The following CPT1A variants were observed in gnomAD, a reference collection of about 807,000 sequenced individuals.
CPT1A encodes the protein carnitine palmitoyltransferase 1A.
In CPT1A, 64 loss-of-function variants were observed where a neutral mutation model predicts 100.8. That is an observed-to-expected ratio of 0.63 (90% CI 0.52 to 0.78). The LOEUF (loss-of-function observed/expected upper bound fraction) is 0.78. Ranked by LOEUF, CPT1A falls within the 30% of genes least tolerant of loss-of-function variation. The pLI, the probability that CPT1A is intolerant of heterozygous loss-of-function variation, is 0.00. For synonymous variants in CPT1A, 363 were observed against 396.0 expected (o/e 0.92, Z 0.99); for missense variants, 802 against 1,034.1 (o/e 0.78, Z 3.08).
chr11:68,760,376 C>T, intron 16 of CPT1A, 38 bp from the exon 17 acceptor site: 3 of 1,510,476 alleles, frequency 2.0e-6, no homozygotes, highest in South Asian at 1.2e-5. Flanking sequence ...CTAATCCCCT[C>T]CTCTACCGTC....
chr11:68,840,944 C>G (rs184505911), intron 1 of CPT1A, among the ~76,000 whole-genome samples: 3 of 152,216 alleles, frequency 2.0e-5, no homozygotes, highest in Non-Finnish European at 4.4e-5. Flanking sequence ...CGCGCCCACC[C>G]GCCCTTGACC....
chr11:68,797,973 T>A (rs2154000092), intron 6 of CPT1A, among the ~76,000 whole-genome samples: 1 of 152,262 alleles, frequency 6.6e-6, no homozygotes, highest in African/African-American at 2.4e-5. Context: ...CGAGACTTTG[T>A]CTCAGAAACT....
chr11:68,808,433 G>A (rs1856108802), intron 3 of CPT1A, among the ~76,000 whole-genome samples: 1 of 150,776 alleles, frequency 6.6e-6, no homozygotes, highest in South Asian at 2.1e-4. Flanking sequence ...GTGCAATGGT[G>A]TGACCTTGGT....
At chr11:68,831,188 A>G (rs1856866907) in intron 1 of CPT1A, among the ~76,000 whole-genome samples, 1 of 152,130 alleles carries the variant, frequency 6.6e-6, no homozygotes, top group Admixed American at 6.5e-5. Context: ...TTTCGAAGTC[A>G]TTGGCCTATG....
At chr11:68,784,112 C>T (rs961961302) in intron 10 of CPT1A, among the ~76,000 whole-genome samples, 8 of 152,186 alleles carry the variant, frequency 5.3e-5, no homozygotes, top group African/African-American at 1.9e-4. Context: ...ACCCTCCTGC[C>T]TTGGTCTCCT....
At position 68,841,798 on chromosome 11, in the gene CPT1A, AGCGGCAGCGGCAGCG is replaced by A. The variant is rs1857165666; in HGVS notation, c.-52_-38del. On this transcript the variant is annotated 5_prime_UTR_variant, in exon 1 of 19. Coordinates refer to ENST00000265641, the MANE Select transcript of CPT1A (RefSeq NM_001876.4). This position sits in a 1 kb window ranked among gnomAD's most constrained non-coding sequence, Gnocchi z 6.3. Reference sequence around the variant, plus strand: ...ACCGAGTCAGCTACGGAGGTGCGGCAGCGGCAGCGGCAGCGGCGGCGGCGGCGGCGGCGGTGGAGT... The same window carrying A: ...ACCGAGTCAGCTACGGAGGTGCGGCAGCGGCGGCGGCGGCGGCGGTGGAGT... 1.0e-6 allele frequency: 1 copy of A among 993,232 alleles called. No individual in the cohort carries two copies. The highest frequency in any genetic ancestry group is 1.2e-6 in the Non-Finnish European group (1 of 836,528). 61.5% of individuals were successfully genotyped at this position (993,232 alleles called of 1,614,324 possible). A position where few individuals can be genotyped will look rare whatever the true frequency, so the allele number is the denominator to read the frequency against.
chr11:68,755,053 G>T lies in CPT1A; in HGVS notation c.*2591C>A. The T allele has an allele frequency of 1.8e-6, 1 of 566,698 alleles. No homozygotes were observed. The highest frequency in any genetic ancestry group is 3.1e-5 in the Admixed American group (1 of 32,770). The allele number at this position is 566,698 out of a possible 1,614,324, so 35.1% of individuals were successfully genotyped here. On this transcript the variant is annotated 3_prime_UTR_variant, in exon 19 of 19. Coordinates refer to ENST00000265641, the MANE Select transcript of CPT1A (RefSeq NM_001876.4). ...TGGTTTGTTCCAATTAAATTAAACA[G>T]ATAATACTCTTATCACCCCCCTTGG...
rs963311574 is a variant in CPT1A, at chr11:68,841,860, C to G, written c.-99G>C. 12 of 993,092 alleles carry G rather than the reference C, an allele frequency of 1.2e-5. No individual in the cohort carries two copies. Among genetic ancestry groups the G allele is most frequent in the African/African-American group, 1.7e-5 (1 of 57,148 alleles). 61.5% of individuals were successfully genotyped at this position (993,092 alleles called of 1,614,324 possible). A position where few individuals can be genotyped will look rare whatever the true frequency, so the allele number is the denominator to read the frequency against. ...GAGTGAACGAGCGGCGAGCGGGAGC[C>G]GGGGAAGGAGGGCCGCGGGCGAGGC... On this transcript the variant is annotated 5_prime_UTR_variant, in exon 1 of 19. Coordinates refer to ENST00000265641, the MANE Select transcript of CPT1A (RefSeq NM_001876.4). This position sits in a 1 kb window ranked among gnomAD's most constrained non-coding sequence, Gnocchi z 6.3.
rs971560466 is a variant in CPT1A, at chr11:68,841,265, C to G, written c.-14+510G>C. 1.3e-5 allele frequency among the ~76,000 whole-genome samples: 2 copies of G among 152,070 alleles called. No homozygotes were observed. Among genetic ancestry groups the G allele is most frequent in the Non-Finnish European group, 2.9e-5 (2 of 67,992 alleles). On this transcript the variant is annotated intron_variant, in intron 1 of 18. Transcript: ENST00000265641. The surrounding 1 kb of genome is among the most constrained non-coding windows in gnomAD (Gnocchi z 6.3). ...CTCTCCAGAGCCAGGGTGGGATGGG[C>G]AGGGACAGGAGCCGGAGGCCCTACT...
Position 68,776,989 on chromosome 11 carries a change from G to A in CPT1A, c.1459-1557C>T, listed in dbSNP as rs747272161. Among the ~76,000 whole-genome samples the A allele has an allele frequency of 3.3e-4, 50 of 152,348 alleles. 1 individual carries two copies. The highest frequency in any genetic ancestry group is 1.1e-3 in the African/African-American group (47 of 41,576). On this transcript the variant is annotated intron_variant, in intron 12 of 18. Transcript: ENST00000265641. ...AAGGTCGGGGTGACTGTCGGCTGGCGAGGCGGCGGGGCGGGTGGAAGGTGC... is the reference window on the plus strand; with the variant it reads ...AAGGTCGGGGTGACTGTCGGCTGGCAAGGCGGCGGGGCGGGTGGAAGGTGC...
chr11:68,761,130 G>A (rs918783205), intron 16 of CPT1A, among the ~76,000 whole-genome samples: 1 of 151,598 alleles, frequency 6.6e-6, no homozygotes, highest in Non-Finnish European at 1.5e-5. Flanking sequence ...AATTGCTTGT[G>A]TCTAGGAGTT....
intron 14 of CPT1A, 111 bp downstream of exon 14, chr11:68,773,154 C>T: frequency 6.4e-7 from 1 of 1,556,938 alleles, no homozygotes; most frequent in Non-Finnish European, 8.7e-7. Flanking sequence ...GGGAGCTGTG[C>T]TTCTCCTATG....
chr11:68,768,742 C>T (rs1038192586), intron 14 of CPT1A, among the ~76,000 whole-genome samples: 1 of 152,148 alleles, frequency 6.6e-6, no homozygotes, highest in Non-Finnish European at 1.5e-5. Flanking sequence ...CTTGCTCACA[C>T]GTGTTTTTTG....
intron 14 of CPT1A, 104 bp downstream of exon 14, chr11:68,773,161 T>A: frequency 1.3e-6 from 2 of 1,568,500 alleles, no homozygotes; most frequent in Non-Finnish European, 1.7e-6. Context: ...GTGCTTCTCC[T>A]ATGCCGGGTT....
intron 1 of CPT1A, among the ~76,000 whole-genome samples, chr11:68,816,074 C>G (rs988636057): frequency 6.6e-6 from 1 of 152,194 alleles, no homozygotes; most frequent in African/African-American, 2.4e-5. Flanking sequence ...GTAAAGCCCA[C>G]GGCGCTTCAG....
chr11:68,777,937 C>T (rs551774534), intron 12 of CPT1A, among the ~76,000 whole-genome samples: 2 of 152,260 alleles, frequency 1.3e-5, no homozygotes, highest in African/African-American at 2.4e-5. Flanking sequence ...ATCTTCAATG[C>T]GCTCTGTAGC....
intron 16 of CPT1A, 67 bp downstream of exon 16, chr11:68,761,468 G>T: frequency 6.5e-7 from 1 of 1,534,222 alleles, no homozygotes; most frequent in South Asian, 1.1e-5. Context: ...GTTCATGCAA[G>T]GCTGTAGTAA....
At chr11:68,816,290 G>A (rs545255196) in intron 1 of CPT1A, among the ~76,000 whole-genome samples, 6 of 152,268 alleles carry the variant, frequency 3.9e-5, no homozygotes, top group South Asian at 4.1e-4. Flanking sequence ...CTAGGGTTTC[G>A]GAGAGACCCA....
At chr11:68,781,997 C>A in intron 10 of CPT1A, 38 bp from the exon 11 acceptor site, 10 of 1,571,286 alleles carry the variant, frequency 6.4e-6, no homozygotes, top group Non-Finnish European at 8.8e-6. Flanking sequence ...GGCAGCCCGA[C>A]CTGCAGCGAT....
Sources: gnomAD v4.1 joint callset for allele counts (sites outside exome capture counted in the v4.1 genomes callset) on GRCh38, gnomAD v4.1.1 for gene constraint, Gnocchi (gnomAD v3.1) non-coding constraint, MANE v1.5 for transcripts, NCBI Gene and HGNC (gene_info 2026-07-23, HGNC 2026-07-21) for gene names.